The following NT5C2 variants were observed in gnomAD, a reference collection of about 807,000 sequenced individuals.
The protein encoded by NT5C2 is cytosolic purine 5'-nucleotidase.
Under a neutral mutation model 76.1 loss-of-function variants are expected in NT5C2, and 58 were observed. That is an observed-to-expected ratio of 0.76 (90% CI 0.62 to 0.95). NT5C2 has a LOEUF of 0.95. Among genes scored for constraint, NT5C2 ranks in the 40% least tolerant of loss-of-function variants. The probability of loss-of-function intolerance (pLI) is 0.00; values close to 1 mark genes in which losing one functional copy is unlikely to be tolerated. For synonymous variants in NT5C2, 229 were observed against 237.4 expected (o/e 0.96, Z 0.32); for missense variants, 478 against 690.3 (o/e 0.69, Z 3.45).
intron 2 of NT5C2, among the ~76,000 whole-genome samples, chr10:103,179,616 G>A (rs1322506798): frequency 2.0e-5 from 3 of 151,396 alleles, no homozygotes; most frequent in Middle Eastern, 3.2e-3. Context: ...CAGGAGGATC[G>A]CTTTGAGCCC....
chr10:103,168,194 C>T (rs888527509), intron 3 of NT5C2, among the ~76,000 whole-genome samples: 9 of 151,528 alleles, frequency 5.9e-5, no homozygotes, highest in African/African-American at 2.2e-4. Flanking sequence ...GCAATATTTT[C>T]TAAAATAAGG....
At chr10:103,091,475 A>G (rs2066865322) in intron 16 of NT5C2, 89 bp downstream of exon 16, 3 of 1,021,906 alleles carry the variant, frequency 2.9e-6, no homozygotes, top group Admixed American at 1.9e-5. Flanking sequence ...CCTCCCAAAT[A>G]GCTGGGATTA....
chr10:103,117,029 TG>T (rs2074513095), intron 4 of NT5C2, among the ~76,000 whole-genome samples: 1 of 152,058 alleles, frequency 6.6e-6, no homozygotes, highest in African/African-American at 2.4e-5. Context: ...GGTAATATAT[TG>T]GGCCAAAGAA....
intron 1 of NT5C2, among the ~76,000 whole-genome samples, chr10:103,183,279 A>ATATATATATTTTATATATATATATAT (rs1564653401): frequency 1.5e-5 from 2 of 133,586 alleles, no homozygotes; most frequent in South Asian, 2.4e-4. Flanking sequence ...ATATATATAT[A>ATATATATATTTTATATATATATATAT]TATATATATA....
chr10:103,107,401 G>A (rs1463532677), intron 4 of NT5C2, among the ~76,000 whole-genome samples: 4 of 152,300 alleles, frequency 2.6e-5, no homozygotes, highest in African/African-American at 4.8e-5. Flanking sequence ...TTGGTCAGGC[G>A]TGGTGGCTCA....
intron 14 of NT5C2, 131 bp downstream of exon 14, chr10:103,093,836 GACTAA>G (rs2067502399): frequency 1.5e-6 from 1 of 647,482 alleles, no homozygotes; most frequent in Non-Finnish European, 2.8e-6. Context: ...ATTAAGAGGT[GACTAA>G]ACTATTTACC....
chr10:103,169,716 C>G (rs1480738404), intron 3 of NT5C2, among the ~76,000 whole-genome samples: 1 of 152,032 alleles, frequency 6.6e-6, no homozygotes. Flanking sequence ...AGTGATGGCT[C>G]ACATCTGTAA....
chr10:103,176,541 C>G (rs1323177041), intron 2 of NT5C2, among the ~76,000 whole-genome samples: 1 of 152,192 alleles, frequency 6.6e-6, no homozygotes, highest in Non-Finnish European at 1.5e-5. Context: ...GGCACTTGGG[C>G]TGAAAAGGCC....
chr10:103,130,418 G>A (rs1007990439), intron 4 of NT5C2, among the ~76,000 whole-genome samples: 4 of 150,786 alleles, frequency 2.7e-5, no homozygotes, highest in Middle Eastern at 3.4e-3. Context: ...CAAACACTGC[G>A]GAAGGCCGCA....
At chr10:103,178,786 G>A (rs1303934159) in intron 2 of NT5C2, among the ~76,000 whole-genome samples, 2 of 133,878 alleles carry the variant, frequency 1.5e-5, no homozygotes, top group Non-Finnish European at 3.2e-5. Context: ...GCTGAGCCGA[G>A]ATCACACCAC....
At chr10:103,095,388 A>G (rs1031162106) in intron 12 of NT5C2, among the ~76,000 whole-genome samples, 9 of 152,358 alleles carry the variant, frequency 5.9e-5, no homozygotes, top group South Asian at 4.1e-4. Context: ...TTTATTCACT[A>G]AAGTCTAGGA....
chr10:103,099,778 T>A, intron 9 of NT5C2, 148 bp downstream of exon 9: 7 of 501,256 alleles, frequency 1.4e-5, no homozygotes, highest in Admixed American at 3.5e-5. Flanking sequence ...CAAGAACAAA[T>A]GTATTCTAGA....
chr10:103,183,262 G>GATATATATATATATAT (rs201371414), intron 1 of NT5C2, among the ~76,000 whole-genome samples: 970 of 73,292 alleles, frequency 0.013, 48 homozygotes, highest in African/African-American at 0.029. Flanking sequence ...GTGTGTGTGT[G>GATATATATATATATAT]ATATATATAT....
chr10:103,181,578 C>G (rs1044955620), intron 1 of NT5C2, among the ~76,000 whole-genome samples: 1 of 152,184 alleles, frequency 6.6e-6, no homozygotes, highest in Non-Finnish European at 1.5e-5. Context: ...AGACCACTAT[C>G]TTTAAACTAC....
At chr10:103,121,447 A>C (rs1336442700) in intron 4 of NT5C2, among the ~76,000 whole-genome samples, 2 of 152,210 alleles carry the variant, frequency 1.3e-5, no homozygotes, top group African/African-American at 4.8e-5. Context: ...TTGCTGACAG[A>C]AACATGATGA....
chr10:103,151,140 T>G (rs2082327825), intron 3 of NT5C2, among the ~76,000 whole-genome samples: 1 of 152,128 alleles, frequency 6.6e-6, no homozygotes, highest in South Asian at 2.1e-4. Context: ...ATATGAATAT[T>G]CAGTTGTTCC....
At chr10:103,091,187 C>A (rs1242029178) in intron 16 of NT5C2, among the ~76,000 whole-genome samples, 191 bp from the exon 17 acceptor site, 1 of 151,880 alleles carries the variant, frequency 6.6e-6, no homozygotes, top group Non-Finnish European at 1.5e-5. Context: ...AGGCATGTGC[C>A]ACCACACTCA....
At chr10:103,097,993 TAAGG>T (rs1379142639) in intron 10 of NT5C2, 2 of 520,912 alleles carry the variant, frequency 3.8e-6, no homozygotes, top group Non-Finnish European at 7.8e-6. Context: ...TTTCTTGAAA[TAAGG>T]GAGGTGGGTG....
Position 103,105,778 on chromosome 10 carries a change from T to C in NT5C2, c.317A>G (p.Tyr106Cys). 6.2e-7 allele frequency: 1 copy of C among 1,613,012 alleles called. No homozygotes were observed. Among genetic ancestry groups the C allele is most frequent in the African/African-American group, 1.3e-5 (1 of 75,010 alleles). The change falls in exon 6 of 19, where the codon TAT (tyrosine) becomes TGT (cysteine). Residue 106 changes from tyrosine (Y) to cysteine (C), a missense_variant. Physicochemically the swap from Tyr to Cys is radical, Grantham distance 194. Coordinates refer to ENST00000404739, the MANE Select transcript of NT5C2 (RefSeq NM_001351169.2). Reference protein sequence around the residue: ...PTRGLVFDTLYGNLLKVDAYG... With the variant: ...PTRGLVFDTLCGNLLKVDAYG... ...GGCATCGACTTTCAAAAGATTTCCATACAGTGTGTCAAAGACAAGTCCCCT... is the reference window on the plus strand; with the variant it reads ...GGCATCGACTTTCAAAAGATTTCCACACAGTGTGTCAAAGACAAGTCCCCT...
Sources: gnomAD v4.1 joint callset for allele counts (sites outside exome capture counted in the v4.1 genomes callset) on GRCh38, gnomAD v4.1.1 for gene constraint, MANE v1.5 for transcripts, NCBI Gene and HGNC (gene_info 2026-07-23, HGNC 2026-07-21) for gene names.